Variants in BCAS3 observed in about 807,000 individuals in gnomAD.
BCAS3 encodes the protein BCAS3 microtubule associated cell migration factor, also known as BCAS4/BCAS3 fusion.
In BCAS3, 53 loss-of-function variants were observed where a neutral mutation model predicts 116.1. The ratio of observed to expected loss-of-function variants is 0.46; its 90% CI spans 0.37 to 0.57. The LOEUF (loss-of-function observed/expected upper bound fraction) is 0.57. Ranked by LOEUF, BCAS3 falls within the 20% of genes least tolerant of loss-of-function variation. The pLI is 0.00. For synonymous variants in BCAS3, 391 were observed against 408.2 expected (o/e 0.96, Z 0.51); for missense variants, 917 against 1,165.4 (o/e 0.79, Z 3.10).
rs1397826989 is a variant in BCAS3, at chr17:61,279,335, C to T, written c.2426-88992C>T. ...TTTTTTTAAGGCAGCCTAGGTCTGA[C>T]ACACCTAATAGAACAGAAGCTCTCG... On this transcript the variant is annotated intron_variant, in intron 22 of 23. Coordinates refer to ENST00000407086, the MANE Select transcript of BCAS3 (RefSeq NM_017679.5). This position sits in a 1 kb window ranked among gnomAD's most constrained non-coding sequence, Gnocchi z 4.4. Among the ~76,000 whole-genome samples, 4 of 151,952 alleles carry T rather than the reference C, an allele frequency of 2.6e-5. No homozygotes were observed. Among genetic ancestry groups the T allele is most frequent in the Admixed American group, 2.6e-4 (4 of 15,260 alleles).
Position 60,961,871 on chromosome 17 carries a change from A to C in BCAS3, c.1221+14519A>C, listed in dbSNP as rs951021659. 6.6e-6 allele frequency among the ~76,000 whole-genome samples: 1 copy of C among 151,806 alleles called. No homozygotes were observed. The highest frequency in any genetic ancestry group is 1.5e-5 in the Non-Finnish European group (1 of 67,978). On this transcript the variant is annotated intron_variant, in intron 14 of 23. Transcript: ENST00000407086. This position sits in a 1 kb window ranked among gnomAD's most constrained non-coding sequence, Gnocchi z 4.8. ...ACAGCAGTGTGAAAACCCACTCATC[A>C]TGCTTATGAACTACAAAAGGATCAA...
At chr17:61,166,187 C>G (rs953361295) in intron 22 of BCAS3, among the ~76,000 whole-genome samples, 2 of 152,120 alleles carry the variant, frequency 1.3e-5, no homozygotes, top group African/African-American at 4.8e-5. Context: ...CAAGCAAAAT[C>G]CTCGAATTCC....
At chr17:61,027,275 C>T (rs954528624) in intron 16 of BCAS3, 2 of 433,466 alleles carry the variant, frequency 4.6e-6, no homozygotes, top group Non-Finnish European at 8.6e-6. Context: ...CATTTGAGGA[C>T]ATGATTTATT....
rs766452099 is a variant in BCAS3 at position 61,041,839 on chromosome 17, ACT to A, written c.2029+952_2029+953del. ...TCTTGCTCTCTCATATTATTGTTGA[ACT>A]CTCTGCTTTTTCTAGGGCATTTTTA... is the stretch of plus-strand genomic sequence containing the variant. On this transcript the variant is annotated intron_variant, in intron 19 of 23. Transcript: ENST00000407086. This position sits in a 1 kb window ranked among gnomAD's most constrained non-coding sequence, Gnocchi z 4.7. Among the ~76,000 whole-genome samples, 30 of 152,016 alleles carry A rather than the reference ACT, an allele frequency of 2.0e-4. No individual in the cohort carries two copies. Among genetic ancestry groups the A allele is most frequent in the Admixed American group, 1.8e-3 (27 of 15,258 alleles).
rs915758169 is a variant in BCAS3 at position 61,134,729 on chromosome 17, C to T, written c.2425+50165C>T. Among the ~76,000 whole-genome samples, 16 of 152,252 alleles carry T rather than the reference C, an allele frequency of 1.1e-4. No homozygotes were observed. Among genetic ancestry groups the T allele is most frequent in the African/African-American group, 3.9e-4 (16 of 41,544 alleles). On this transcript the variant is annotated intron_variant, in intron 22 of 23. Transcript: ENST00000407086. This position sits in a 1 kb window ranked among gnomAD's most constrained non-coding sequence, Gnocchi z 4.6. ...CAAACACCTCATTTAACCTTCAAAA[C>T]AATCCTTTTTGACATCAGTTTTTTG...
At chr17:61,115,759 A>G (rs1297710738) in intron 22 of BCAS3, among the ~76,000 whole-genome samples, 1 of 148,748 alleles carries the variant, frequency 6.7e-6, no homozygotes, top group Non-Finnish European at 1.5e-5. Flanking sequence ...CCAAAGCACT[A>G]TAAATCATGC....
intron 7 of BCAS3, among the ~76,000 whole-genome samples, chr17:60,808,623 G>A (rs2048501950): frequency 6.6e-6 from 1 of 152,172 alleles, no homozygotes; most frequent in Admixed American, 6.5e-5. Flanking sequence ...TTCTTCAAGT[G>A]TAAATTTTTC....
intron 10 of BCAS3, among the ~76,000 whole-genome samples, chr17:60,901,762 T>G (rs1457643722): frequency 6.6e-6 from 1 of 152,240 alleles, no homozygotes; most frequent in Admixed American, 6.5e-5. Flanking sequence ...ATTTTTAATT[T>G]TTACTTTTTG....
chr17:61,034,511 C>A lies in BCAS3; in HGVS notation c.1638-155C>A. The A allele has an allele frequency of 1.7e-6, 1 of 595,986 alleles. No individual in the cohort carries two copies. Among genetic ancestry groups the A allele is most frequent in the Non-Finnish European group, 2.8e-6 (1 of 363,116 alleles). 36.9% of individuals were successfully genotyped at this position (595,986 alleles called of 1,614,324 possible). A position where few individuals can be genotyped will look rare whatever the true frequency, so the allele number is the denominator to read the frequency against. On this transcript the variant is annotated intron_variant, in intron 16 of 23. Transcript: ENST00000407086. The surrounding 1 kb of genome is among the most constrained non-coding windows in gnomAD (Gnocchi z 5.0). ...AAATAATTCTACTTTTACTCCAGAA[C>A]ATAGTCTCACATCACCATTTATTAC...
chr17:61,297,990 G>T (rs1229868642), intron 22 of BCAS3, among the ~76,000 whole-genome samples: 2 of 152,172 alleles, frequency 1.3e-5, no homozygotes, highest in Admixed American at 6.5e-5. Context: ...TCTCCCTGCA[G>T]CTTCATCAGT....
chr17:61,064,753 A>C (rs1023691808), intron 19 of BCAS3, among the ~76,000 whole-genome samples: 4 of 152,222 alleles, frequency 2.6e-5, no homozygotes, highest in Non-Finnish European at 5.9e-5. Context: ...AGAGATGTAC[A>C]ATACTGACTG....
chr17:61,146,652 C>T (rs939986661), intron 22 of BCAS3, among the ~76,000 whole-genome samples: 2 of 152,070 alleles, frequency 1.3e-5, no homozygotes, highest in Admixed American at 6.5e-5. Flanking sequence ...GAATTCTAGG[C>T]TTTGCTGGTC....
intron 23 of BCAS3, chr17:61,389,743 G>A (rs1172412696): frequency 6.6e-6 from 1 of 152,302 alleles, no homozygotes; most frequent in Non-Finnish European, 1.5e-5. Flanking sequence ...CATCTTGTAA[G>A]CCCCTGGGTG....
At chr17:60,796,883 A>G (rs899461188) in intron 6 of BCAS3, among the ~76,000 whole-genome samples, 1 of 152,058 alleles carries the variant, frequency 6.6e-6, no homozygotes, top group African/African-American at 2.4e-5. Context: ...CGCCTTTGCT[A>G]TATCCCAGAG....
At chr17:61,294,785 G>T (rs1222499069) in intron 22 of BCAS3, among the ~76,000 whole-genome samples, 1 of 152,208 alleles carries the variant, frequency 6.6e-6, no homozygotes, top group Non-Finnish European at 1.5e-5. Context: ...GTCTGTATTT[G>T]ATGCAGCTGG....
intron 14 of BCAS3, among the ~76,000 whole-genome samples, chr17:60,987,784 C>T (rs1220568355): frequency 6.6e-6 from 1 of 151,998 alleles, no homozygotes; most frequent in Non-Finnish European, 1.5e-5. Context: ...AAACGAGGCT[C>T]ATTTGACTTT....
chr17:60,739,135 A>G (rs774338371), intron 5 of BCAS3, among the ~76,000 whole-genome samples: 1 of 152,158 alleles, frequency 6.6e-6, no homozygotes, highest in African/African-American at 2.4e-5. Flanking sequence ...GGGTAGTGCA[A>G]TACCTAATAT....
intron 6 of BCAS3, among the ~76,000 whole-genome samples, chr17:60,754,802 T>G (rs1305829411): frequency 1.3e-5 from 2 of 152,104 alleles, no homozygotes; most frequent in Non-Finnish European, 2.9e-5. Flanking sequence ...CATTTGTTGA[T>G]ATTCCTCACC....
chr17:60,902,756 G>C, intron 11 of BCAS3, 53 bp downstream of exon 11: 2 of 1,327,032 alleles, frequency 1.5e-6, no homozygotes, highest in Non-Finnish European at 1.1e-6. Flanking sequence ...TAATTGTTCA[G>C]ATTTCTCTCC....
Sources: allele counts gnomAD v4.1 joint callset (sites outside exome capture counted in the v4.1 genomes callset), GRCh38; gene constraint gnomAD v4.1.1; non-coding constraint Gnocchi (gnomAD v3.1); transcripts MANE v1.5; gene names NCBI Gene and HGNC (gene_info 2026-07-23, HGNC 2026-07-21).